Variants in POLR1B observed in about 807,000 individuals in gnomAD.
POLR1B encodes the protein DNA-directed RNA polymerase I subunit RPA2.
POLR1B carries 30 observed loss-of-function variants against 105.8 expected under a neutral mutation model. The observed-to-expected ratio is 0.28, with a 90% CI of 0.21 to 0.38. The LOEUF (loss-of-function observed/expected upper bound fraction) is 0.38. Among genes scored for constraint, POLR1B ranks in the 10% least tolerant of loss-of-function variants. The pLI is 1.00. For missense variants in POLR1B, 976 were observed against 1,435.8 expected (o/e 0.68, Z 5.17); for synonymous variants, 485 against 505.1 (o/e 0.96, Z 0.53).
rs756165812 is a variant in POLR1B at position 112,578,961 on chromosome 2, A to T, written c.*3232A>T. On this transcript the variant is annotated 3_prime_UTR_variant, in exon 15 of 15. Coordinates refer to ENST00000263331, the MANE Select transcript of POLR1B (RefSeq NM_019014.6). The stretch of plus-strand genomic sequence containing the variant: ...GGTGGTGCACACCTGTAATCCCAGG[A>T]CTTTGGCAGGCTGAGGTGTGCAGAT... 3.9e-5 allele frequency among the ~76,000 whole-genome samples: 6 copies of T among 152,190 alleles called. No individual in the cohort carries two copies. The highest frequency in any genetic ancestry group is 7.3e-5 in the Non-Finnish European group (5 of 68,030).
chr2:112,554,099 A>AGCACTGTGTGCTCACACAGTGAGC (rs1683520394), intron 7 of POLR1B, among the ~76,000 whole-genome samples: 2 of 151,900 alleles, frequency 1.3e-5, no homozygotes, highest in African/African-American at 4.8e-5. Flanking sequence ...AAGTGCTGGG[A>AGCACTGTGTGCTCACACAGTGAGC]TTACAGGTGT....
intron 3 of POLR1B, among the ~76,000 whole-genome samples, chr2:112,548,656 A>C (rs1158515225): frequency 3.4e-5 from 5 of 148,114 alleles, no homozygotes; most frequent in Non-Finnish European, 1.5e-5. Context: ...TCTCTCACCC[A>C]GGTTGGAGCG....
At chr2:112,567,818 T>C in intron 10 of POLR1B, 149 bp from the exon 11 acceptor site, 1 of 618,578 alleles carries the variant, frequency 1.6e-6, no homozygotes. Context: ...TAGTTAGTGA[T>C]TTGCCTACTA....
intron 10 of POLR1B, among the ~76,000 whole-genome samples, chr2:112,566,610 T>C (rs1253462469): frequency 6.6e-6 from 1 of 152,242 alleles, no homozygotes; most frequent in Non-Finnish European, 1.5e-5. Context: ...TCAGAAAGTG[T>C]ATGAGATTTG....
intron 5 of POLR1B, 54 bp from the exon 6 acceptor site, chr2:112,551,717 AATAG>A (rs1683375399): frequency 5.2e-6 from 7 of 1,354,158 alleles, no homozygotes; most frequent in African/African-American, 1.5e-5. Flanking sequence ...ATTATTAGTG[AATAG>A]ATAAAGTATT....
At chr2:112,569,672 G>C (rs1421528654) in intron 12 of POLR1B, among the ~76,000 whole-genome samples, 1 of 150,866 alleles carries the variant, frequency 6.6e-6, no homozygotes, top group African/African-American at 2.4e-5. Context: ...TGATTCTCCT[G>C]CTTCAGCCTT....
chr2:112,574,791 T>A (rs1684785271), intron 14 of POLR1B, 56 bp from the exon 15 acceptor site: 1 of 1,424,272 alleles, frequency 7.0e-7, no homozygotes, highest in African/African-American at 1.4e-5. Flanking sequence ...TCAATGAAAC[T>A]TATCTCCATA....
In POLR1B at chr2:112,576,087, C is replaced by CCTG; in HGVS notation, c.*358_*359insCTG. 5.0e-6 allele frequency: 1 copy of CCTG among 199,326 alleles called. No individual in the cohort carries two copies. The highest frequency in any genetic ancestry group is 1.3e-4 in the East Asian group (1 of 7,882). 12.3% of individuals were successfully genotyped at this position (199,326 alleles called of 1,614,324 possible). A position where few individuals can be genotyped will look rare whatever the true frequency, so the allele number is the denominator to read the frequency against. On this transcript the variant is annotated 3_prime_UTR_variant, in exon 15 of 15. Transcript: ENST00000263331. ...TTAATCCATCTTGAGCAGGACAGTA[C>CCTG]TATACAAATAGAATGCAAGCTGTAA...
chr2:112,557,865 C>T, intron 7 of POLR1B, 45 bp from the exon 8 acceptor site: 2 of 1,084,596 alleles, frequency 1.8e-6, no homozygotes, highest in Non-Finnish European at 2.4e-6. Context: ...GCCACCACAC[C>T]TGGCTCACAT....
At chr2:112,568,926 A>G in intron 12 of POLR1B, 24 bp downstream of exon 12, 2 of 1,600,512 alleles carry the variant, frequency 1.2e-6, no homozygotes, top group Non-Finnish European at 1.7e-6. Context: ...ATGATGTTAC[A>G]GTCACAATCA....
rs1207601066 is a variant in POLR1B at position 112,576,040 on chromosome 2, G to A, written c.*311G>A. The stretch of plus-strand genomic sequence containing the variant: ...GGTTCCCTACACCCTGCTCTCAGCA[G>A]GCAGTGAGTGTCACACACCTGTTAA... On this transcript the variant is annotated 3_prime_UTR_variant, in exon 15 of 15. Transcript: ENST00000263331. The A allele has an allele frequency of 1.7e-5, 6 of 348,308 alleles. No individual in the cohort carries two copies. Among genetic ancestry groups the A allele is most frequent in the African/African-American group, 6.3e-5 (3 of 47,442 alleles). The allele number at this position is 348,308 out of a possible 1,614,324, so 21.6% of individuals were successfully genotyped here. A position where few individuals can be genotyped will look rare whatever the true frequency, so the allele number is the denominator to read the frequency against.
chr2:112,544,760 A>G (rs1682944739), intron 1 of POLR1B, among the ~76,000 whole-genome samples: 1 of 152,248 alleles, frequency 6.6e-6, no homozygotes, highest in Non-Finnish European at 1.5e-5. Flanking sequence ...GGGAAAAAAT[A>G]GTTATCATAT....
chr2:112,576,443 A>T lies in POLR1B; in HGVS notation c.*714A>T, dbSNP rs1192007300. 6.6e-6 allele frequency: 1 copy of T among 152,216 alleles called. No homozygotes were observed. The highest frequency in any genetic ancestry group is 1.5e-5 in the Non-Finnish European group (1 of 68,058). The allele number at this position is 152,216 out of a possible 1,614,324, so 9.4% of individuals were successfully genotyped here. A position where few individuals can be genotyped will look rare whatever the true frequency, so the allele number is the denominator to read the frequency against. On this transcript the variant is annotated 3_prime_UTR_variant, in exon 15 of 15. Transcript: ENST00000263331. ...TATAGTATTGTTAATTCCAGGCACCATGTTGTACAACAGATCTTTAGACCT... is the reference window on the plus strand; with the variant it reads ...TATAGTATTGTTAATTCCAGGCACCTTGTTGTACAACAGATCTTTAGACCT...
At position 112,568,156 on chromosome 2, in the gene POLR1B, T is replaced by G; in HGVS notation, c.1917+19T>G. On this transcript the variant is annotated intron_variant, in intron 11 of 14. Coordinates refer to ENST00000263331, the MANE Select transcript of POLR1B (RefSeq NM_019014.6). ...GGAACAGGTAAATACATATGTGTGA[T>G]GGATGAGTGTATGTGCTTGTTTGTA... 1 of 1,604,084 alleles carries G rather than the reference T, an allele frequency of 6.2e-7. No individual in the cohort carries two copies. The highest frequency in any genetic ancestry group is 1.1e-5 in the South Asian group (1 of 90,668).
intron 10 of POLR1B, 116 bp from the exon 11 acceptor site, chr2:112,567,851 G>A: frequency 1.2e-6 from 1 of 843,714 alleles, no homozygotes; most frequent in African/African-American, 1.7e-5. Flanking sequence ...ACCCAAGGAA[G>A]TAGGGCTTTT....
intron 10 of POLR1B, among the ~76,000 whole-genome samples, chr2:112,565,298 A>G (rs1039934124): frequency 4.6e-5 from 7 of 152,198 alleles, no homozygotes; most frequent in East Asian, 1.9e-4. Context: ...ACATTACCCA[A>G]ATCCACCAGT....
Position 112,547,437 on chromosome 2 carries a change from C to T in POLR1B, c.362C>T (p.Ala121Val). The change falls in exon 3 of 15, where the codon GCA (alanine) becomes GTA (valine). Residue 121 changes from alanine to valine, a missense_variant. Transcript: ENST00000263331. The stretch of plus-strand genomic sequence containing the variant: ...TTCATTTAGGCTGATATCAACTGGG[C>T]AGTGAATGGAATCTCAAAAGGAATC... The part of the protein sequence containing the change: ...RGKLTADINW[A>V]VNGISKGIIK... 1.9e-6 allele frequency: 3 copies of T among 1,613,948 alleles called. No individual in the cohort carries two copies. Among genetic ancestry groups the T allele is most frequent in the Non-Finnish European group, 2.5e-6 (3 of 1,179,898 alleles).
intron 8 of POLR1B, 48 bp from the exon 9 acceptor site, chr2:112,559,245 A>G: frequency 6.2e-7 from 1 of 1,600,152 alleles, no homozygotes; most frequent in East Asian, 2.2e-5. Flanking sequence ...AACAATTTCC[A>G]TTTTTCAAAA....
chr2:112,570,522 G>A (rs1392242647), intron 12 of POLR1B, among the ~76,000 whole-genome samples: 1 of 152,164 alleles, frequency 6.6e-6, no homozygotes, highest in Non-Finnish European at 1.5e-5. Context: ...AAACCTAGAT[G>A]GCAGAGACTA....
Sources: allele counts gnomAD v4.1 joint callset (sites outside exome capture counted in the v4.1 genomes callset), GRCh38; gene constraint gnomAD v4.1.1; transcripts MANE v1.5; gene names NCBI Gene and HGNC (gene_info 2026-07-23, HGNC 2026-07-21).